Variants in UTP6 observed in about 807,000 individuals in gnomAD.
UTP6 encodes the protein U3 small nucleolar RNA-associated protein 6 homolog.
In UTP6, 60 loss-of-function variants were observed where a neutral mutation model predicts 96.5. That is an observed-to-expected ratio of 0.62 (90% CI 0.51 to 0.77). The LOEUF is 0.77. UTP6 is among the 30% of genes least tolerant of loss of function. The pLI is 0.00. For missense variants in UTP6, 637 were observed against 706.5 expected (o/e 0.90, Z 1.12); for synonymous variants, 215 against 240.1 (o/e 0.90, Z 0.96).
intron 17 of UTP6, among the ~76,000 whole-genome samples, chr17:31,866,990 T>C (rs1320952396): frequency 6.6e-6 from 1 of 150,940 alleles, no homozygotes; most frequent in East Asian, 1.9e-4. Context: ...GTGCACGGCA[T>C]TATGCAACGT....
chr17:31,885,920 C>A (rs1911114785), intron 9 of UTP6, 60 bp downstream of exon 9: 2 of 1,480,748 alleles, frequency 1.4e-6, no homozygotes, highest in Admixed American at 1.8e-5. Context: ...AGCTAAAGAT[C>A]TTCATTAAGA....
rs143902152 is a variant in UTP6, at chr17:31,895,572, C to T, written c.178-561G>A. Among the ~76,000 whole-genome samples the T allele has an allele frequency of 2.4e-3, 361 of 152,186 alleles. 9 individuals carry two copies. In the East Asian group the frequency reaches 0.049, roughly 20 times the overall value. On this transcript the variant is annotated intron_variant, in intron 2 of 18. Transcript: ENST00000261708. ...TTTTTGAGACGGGGTCTCCCTCTGTCGCCCAGGCTAGAGTGCAGTGGCATA... is the reference window on the plus strand; with the variant it reads ...TTTTTGAGACGGGGTCTCCCTCTGTTGCCCAGGCTAGAGTGCAGTGGCATA...
chr17:31,875,206 A>G (rs762222510), intron 14 of UTP6, 28 bp downstream of exon 14: 8 of 1,611,194 alleles, frequency 5.0e-6, no homozygotes, highest in Middle Eastern at 1.7e-4. Flanking sequence ...CCCAAATATA[A>G]TGAATACAAA....
At chr17:31,867,031 C>T (rs1019415218) in intron 17 of UTP6, among the ~76,000 whole-genome samples, 1 of 151,700 alleles carries the variant, frequency 6.6e-6, no homozygotes, top group African/African-American at 2.4e-5. Flanking sequence ...TTTGGCCTTA[C>T]AACTCTCATA....
chr17:31,892,370 G>C (rs758686290), intron 5 of UTP6, 47 bp from the exon 6 acceptor site: 2 of 1,553,154 alleles, frequency 1.3e-6, no homozygotes, highest in Non-Finnish European at 1.8e-6. Context: ...ATAAATCATT[G>C]ATCTTACTCT....
intron 9 of UTP6, among the ~76,000 whole-genome samples, chr17:31,885,565 A>G (rs1042262013): frequency 7.2e-5 from 11 of 151,944 alleles, no homozygotes; most frequent in Non-Finnish European, 1.3e-4. Context: ...CAAGGCGGGC[A>G]GGTCACAAGG....
intron 17 of UTP6, among the ~76,000 whole-genome samples, chr17:31,865,778 G>A (rs568768644): frequency 6.6e-6 from 1 of 152,196 alleles, no homozygotes; most frequent in Non-Finnish European, 1.5e-5. Flanking sequence ...TATTCGCTTT[G>A]AGTAAGGATT....
chr17:31,889,495 AT>A (rs375193627), intron 6 of UTP6, 92 bp from the exon 7 acceptor site: 87,901 of 531,958 alleles, frequency 0.17, 361 homozygotes, highest in South Asian at 0.21. Flanking sequence ...TACTCGCACA[AT>A]TTTTTTTTTT....
At chr17:31,885,930 A>T in intron 9 of UTP6, 50 bp downstream of exon 9, 1 of 1,529,148 alleles carries the variant, frequency 6.5e-7, no homozygotes, top group Non-Finnish European at 9.0e-7. Flanking sequence ...CTTCATTAAG[A>T]AAAGAATGTT....
At chr17:31,864,012 T>A (rs1471753989) in intron 18 of UTP6, among the ~76,000 whole-genome samples, 1 of 152,190 alleles carries the variant, frequency 6.6e-6, no homozygotes, top group Non-Finnish European at 1.5e-5. Context: ...GTTTTGTTTT[T>A]TTGTTTTTTG....
At chr17:31,865,213 A>G (rs975664507) in intron 18 of UTP6, among the ~76,000 whole-genome samples, 153 bp downstream of exon 18, 5 of 152,088 alleles carry the variant, frequency 3.3e-5, no homozygotes, top group African/African-American at 1.2e-4. Context: ...GGGTTTCACC[A>G]TATTGGCCAG....
intron 7 of UTP6, chr17:31,888,125 G>A (rs142398000): frequency 5.4e-4 from 82 of 152,050 alleles, no homozygotes; most frequent in African/African-American, 1.9e-3. Context: ...AAGGGAGTAA[G>A]TCCCCGAAGA....
chr17:31,898,905 G>A (rs551049585), intron 2 of UTP6, among the ~76,000 whole-genome samples: 10 of 151,888 alleles, frequency 6.6e-5, no homozygotes, highest in Admixed American at 2.0e-4. Flanking sequence ...GGTGCCATAC[G>A]CCTGTAATCC....
chr17:31,878,986 G>A (rs570556618), intron 11 of UTP6, among the ~76,000 whole-genome samples: 3 of 152,152 alleles, frequency 2.0e-5, no homozygotes, highest in South Asian at 4.1e-4. Context: ...AATATTGGGG[G>A]AAAACAACTG....
chr17:31,893,230 C>G (rs923688406), intron 4 of UTP6, among the ~76,000 whole-genome samples: 1 of 152,072 alleles, frequency 6.6e-6, no homozygotes, highest in African/African-American at 2.4e-5. Context: ...GCACTCCAGC[C>G]TGGGCAACAT....
intron 2 of UTP6, among the ~76,000 whole-genome samples, chr17:31,895,739 G>A (rs1258677170): frequency 3.9e-5 from 6 of 151,978 alleles, no homozygotes; most frequent in Non-Finnish European, 5.9e-5. Context: ...TCACCATGTT[G>A]GCTAGGCTGG....
intron 1 of UTP6, among the ~76,000 whole-genome samples, chr17:31,900,713 G>A (rs1904931120): frequency 6.6e-6 from 1 of 152,068 alleles, no homozygotes; most frequent in Non-Finnish European, 1.5e-5. Flanking sequence ...AATCTAAATT[G>A]CGTCTGCCTT....
chr17:31,900,480 C>T (rs575167207), intron 1 of UTP6, among the ~76,000 whole-genome samples: 7 of 152,020 alleles, frequency 4.6e-5, no homozygotes, highest in Admixed American at 1.3e-4. Flanking sequence ...TTAGTAGAGA[C>T]GGGGTTTCAC....
At chr17:31,872,213 T>C (rs1194552836) in intron 16 of UTP6, among the ~76,000 whole-genome samples, 1 of 151,880 alleles carries the variant, frequency 6.6e-6, no homozygotes, top group Non-Finnish European at 1.5e-5. Context: ...AAAGAAATTT[T>C]TTTTAAATCA....
Sources: allele counts gnomAD v4.1 joint callset (sites outside exome capture counted in the v4.1 genomes callset), GRCh38; gene constraint gnomAD v4.1.1; transcripts MANE v1.5; gene names NCBI Gene and HGNC (gene_info 2026-07-23, HGNC 2026-07-21).